POLR2F: variants seen among roughly 807,000 people sequenced by gnomAD.
POLR2F encodes the protein RNA polymerase II, I and III subunit F.
In POLR2F, 12 loss-of-function variants were observed where a neutral mutation model predicts 22.7. That is an observed-to-expected ratio of 0.53 (90% CI 0.34 to 0.86). POLR2F has a LOEUF of 0.86. Ranked by LOEUF, POLR2F falls within the 40% of genes least tolerant of loss-of-function variation. POLR2F has a pLI of 0.02. For missense variants in POLR2F, 126 were observed against 171.5 expected, an observed-to-expected ratio of 0.73 and a Z score of 1.48; for synonymous variants, 57 against 66.0, an observed-to-expected ratio of 0.86 and a Z score of 0.66.
chr22:37,985,544 G>A (rs940757299), upstream of POLR2F, among the ~76,000 whole-genome samples: 5 of 152,098 alleles, frequency 3.3e-5, no homozygotes, highest in African/African-American at 9.7e-5. Flanking sequence ...GGGCAGCCCC[G>A]CCGGGGTGTT....
chr22:38,041,059 A>AT, intron 5 of POLR2F: 1 of 1,612,842 alleles, frequency 6.2e-7, no homozygotes, highest in Non-Finnish European at 8.5e-7. Context: ...TCCCTGTGTT[A>AT]TTTTCCAGGA....
intron 2 of POLR2F, 76 bp from the exon 3 acceptor site, chr22:37,959,269 AT>A (rs1423635789): frequency 2.0e-6 from 3 of 1,475,646 alleles, no homozygotes; most frequent in Non-Finnish European, 2.8e-6. Context: ...GAGAATTGTG[AT>A]TGTTGTCATT....
At chr22:38,032,637 T>A (rs567975218) in intron 5 of POLR2F, 1 of 152,248 alleles carries the variant, frequency 6.6e-6, no homozygotes, top group Non-Finnish European at 1.5e-5. Flanking sequence ...CACACCCTGA[T>A]TGGGGACATG....
At chr22:38,015,723 T>C (rs1431155351) in intron 1 of POLR2F, among the ~76,000 whole-genome samples, 1 of 152,156 alleles carries the variant, frequency 6.6e-6, no homozygotes. Context: ...GAATCCATGA[T>C]AGCAACAACA....
intron 5 of POLR2F, chr22:38,040,873 G>A (rs920403384): frequency 1.8e-5 from 14 of 763,438 alleles, no homozygotes; most frequent in South Asian, 8.6e-5. Context: ...TTTATAAAAC[G>A]TGTGGAGGAT....
Position 37,967,107 on chromosome 22 carries a change from C to T in POLR2F, c.230C>T (p.Ala77Val). ...GTRALQIAMC[A>V]PVMVELEGET... ...TGTCCCTATCCCTACAGGATGTGTG[C>T]CCCTGTGATGGTGGAGCTGGAGGGG... The change falls in exon 4 of 5, where the codon GCC becomes GTC. Residue 77 changes from alanine (A) to valine (V), a missense_variant. Physicochemically the swap from Ala to Val is moderately conservative, Grantham distance 64. Coordinates refer to ENST00000442738, the MANE Select transcript of POLR2F (RefSeq NM_021974.5). The T allele has an allele frequency of 6.2e-7, 1 of 1,611,840 alleles. No individual in the cohort carries two copies. The highest frequency in any genetic ancestry group is 8.5e-7 in the Non-Finnish European group (1 of 1,178,264).
At chr22:38,021,688 C>T (rs532456690) in intron 1 of POLR2F, among the ~76,000 whole-genome samples, 14 of 151,498 alleles carry the variant, frequency 9.2e-5, no homozygotes, top group East Asian at 4.0e-4. Context: ...AACTCCTGGG[C>T]TTAAGTGATC....
rs996173236 is a variant in POLR2F, at chr22:38,017,092, C to T, written c.121-8777C>T. Among the ~76,000 whole-genome samples the T allele has an allele frequency of 6.6e-6, 1 of 152,180 alleles. No individual in the cohort carries two copies. Among genetic ancestry groups the T allele is most frequent in the African/African-American group, 2.4e-5 (1 of 41,458 alleles). ...AGGCAGCTGTGGGGCCGTGCCTGAG[C>T]GGGGCACGTGCCAGGGTCTGGGGTC... is the stretch of plus-strand genomic sequence containing the variant. On this transcript the variant is annotated intron_variant, in intron 1 of 2. Coordinates refer to the POLR2F transcript ENST00000333418. This position sits in a 1 kb window ranked among gnomAD's most constrained non-coding sequence, Gnocchi z 4.1.
Position 37,969,057 on chromosome 22 carries a change from A to C in POLR2F, c.*1342A>C. 9 of 985,292 alleles carry C rather than the reference A, an allele frequency of 9.1e-6. No homozygotes were observed. The highest frequency in any genetic ancestry group is 1.1e-5 in the Non-Finnish European group (9 of 829,946). The allele number at this position is 985,292 out of a possible 1,614,324, so 61.0% of individuals were successfully genotyped here. A position where few individuals can be genotyped will look rare whatever the true frequency, so the allele number is the denominator to read the frequency against. On this transcript the variant is annotated 3_prime_UTR_variant, in exon 5 of 5. Coordinates refer to ENST00000442738, the MANE Select transcript of POLR2F (RefSeq NM_021974.5). ...GTGCGGGGGTCACTTTCTCGGCCCC[A>C]TTTCTCTAAATGGTCTCTTTGTTCC...
chr22:38,031,635 A>C (rs1447503758), downstream of POLR2F, among the ~76,000 whole-genome samples: 2 of 152,224 alleles, frequency 1.3e-5, no homozygotes, highest in East Asian at 3.9e-4. This position sits in a 1 kb window ranked among gnomAD's most constrained non-coding sequence, Gnocchi z 4.1. Context: ...GTCCCGGCTG[A>C]GTGGCAGCTC....
chr22:38,025,711 A>G (rs2085002811), intron 1 of POLR2F: 4 of 1,533,326 alleles, frequency 2.6e-6, no homozygotes, highest in Middle Eastern at 1.7e-4. Flanking sequence ...ACCCCATTGT[A>G]CAGATGCATA....
chr22:38,014,635 G>T (rs1476727068), intron 1 of POLR2F, among the ~76,000 whole-genome samples: 1 of 151,320 alleles, frequency 6.6e-6, no homozygotes, highest in Non-Finnish European at 1.5e-5. Flanking sequence ...TGGGACTACA[G>T]GACCATGCCC....
intron 5 of POLR2F, among the ~76,000 whole-genome samples, chr22:38,037,595 C>T (rs2085128807): frequency 9.6e-6 from 1 of 104,680 alleles, no homozygotes; most frequent in Admixed American, 9.7e-5. Context: ...CTTCCTATCT[C>T]CTTTTTTTTT....
At chr22:38,027,665 C>T (rs34071349), downstream of POLR2F, among the ~76,000 whole-genome samples, 1 of 152,120 alleles carries the variant, frequency 6.6e-6, no homozygotes, top group Non-Finnish European at 1.5e-5. Context: ...GAAACAAATG[C>T]TCATATGCAC....
At chr22:38,035,083 G>A (rs1245957032) in intron 5 of POLR2F, among the ~76,000 whole-genome samples, 2 of 147,572 alleles carry the variant, frequency 1.4e-5, no homozygotes, top group African/African-American at 2.5e-5. Context: ...CATAGTGTAG[G>A]TCTTGCTTCT....
chr22:37,958,880 T>G (rs1931509960), intron 2 of POLR2F, among the ~76,000 whole-genome samples: 1 of 152,222 alleles, frequency 6.6e-6, no homozygotes, highest in Non-Finnish European at 1.5e-5. Context: ...TAAGTAATTG[T>G]TAAATATTCC....
chr22:37,989,743 G>T (rs1014904257), intron 1 of POLR2F, among the ~76,000 whole-genome samples: 1 of 152,178 alleles, frequency 6.6e-6, no homozygotes, highest in Non-Finnish European at 1.5e-5. Flanking sequence ...GGGACCTGTG[G>T]TTGGTCCCAG....
intron 5 of POLR2F, among the ~76,000 whole-genome samples, chr22:38,035,745 A>G (rs2145835234): frequency 6.6e-6 from 1 of 152,260 alleles, no homozygotes; most frequent in East Asian, 1.9e-4. Flanking sequence ...GCAGAAGAGG[A>G]GGGGAAGCCC....
At chr22:38,008,133 A>G (rs1380265449) in intron 1 of POLR2F, among the ~76,000 whole-genome samples, 2 of 152,046 alleles carry the variant, frequency 1.3e-5, no homozygotes, top group Admixed American at 1.3e-4. Context: ...CCAGCTACTC[A>G]GGAGACTGAG....
Sources: allele counts gnomAD v4.1 joint callset (sites outside exome capture counted in the v4.1 genomes callset), GRCh38; gene constraint gnomAD v4.1.1; non-coding constraint Gnocchi (gnomAD v3.1); transcripts MANE v1.5; gene names NCBI Gene and HGNC (gene_info 2026-07-23, HGNC 2026-07-21).